The following PDE6C variants were observed in gnomAD, a reference collection of about 807,000 sequenced individuals.
The protein encoded by PDE6C is phosphodiesterase 6C.
PDE6C carries 75 observed loss-of-function variants against 113.1 expected under a neutral mutation model. That is an observed-to-expected ratio of 0.66 (90% CI 0.55 to 0.80). The LOEUF (loss-of-function observed/expected upper bound fraction) is 0.80, where lower values mean the gene tolerates loss of function less well. Ranked by LOEUF, PDE6C falls within the 30% of genes least tolerant of loss-of-function variation. The pLI is 0.00. For synonymous variants in PDE6C, 375 were observed against 363.7 expected, an observed-to-expected ratio of 1.03 and a Z score of -0.35; for missense variants, 912 against 1,038.6, an observed-to-expected ratio of 0.88 and a Z score of 1.67.
intron 4 of PDE6C, among the ~76,000 whole-genome samples, chr10:93,623,515 C>T (rs1223305): frequency 0.96 from 146,497 of 152,280 alleles, 70,719 homozygotes; most frequent in East Asian, 1. Flanking sequence ...GCTTTTGGTG[C>T]TGTATCTATG....
At chr10:93,638,350 C>T (rs964907733) in intron 11 of PDE6C, among the ~76,000 whole-genome samples, 23 of 152,186 alleles carry the variant, frequency 1.5e-4, no homozygotes, top group South Asian at 2.1e-4. Flanking sequence ...TTCCCACCCC[C>T]GTGTTTTCAT....
Position 93,626,622 on chromosome 10 carries a change from A to G in PDE6C, c.940-18A>G, listed in dbSNP as rs888905677. 2.2e-6 allele frequency: 3 copies of G among 1,346,686 alleles called. No individual in the cohort carries two copies. Among genetic ancestry groups the G allele is most frequent in the Admixed American group, 3.4e-5 (2 of 58,832 alleles). The allele number at this position is 1,346,686 out of a possible 1,614,324, so 83.4% of individuals were successfully genotyped here. ...TGGGAAATAACATTATTCCCATAATATCCTCTTTCTTTCTTAGGAAGTCAA... is the reference window on the plus strand; with the variant it reads ...TGGGAAATAACATTATTCCCATAATGTCCTCTTTCTTTCTTAGGAAGTCAA... On this transcript the variant is annotated intron_variant, in intron 5 of 21. Transcript: ENST00000371447.
chr10:93,629,154 T>C, intron 7 of PDE6C, 104 bp from the exon 8 acceptor site: 2 of 933,506 alleles, frequency 2.1e-6, no homozygotes, highest in East Asian at 2.4e-5. Flanking sequence ...AAGAGCCGTG[T>C]AGAAAATCCT....
At chr10:93,648,058 A>G (rs1244880988) in intron 15 of PDE6C, among the ~76,000 whole-genome samples, 1 of 152,182 alleles carries the variant, frequency 6.6e-6, no homozygotes, top group African/African-American at 2.4e-5. Flanking sequence ...AAAACAAAAT[A>G]CTGTTTTAAA....
chr10:93,638,330 T>G (rs1290613999), intron 11 of PDE6C, among the ~76,000 whole-genome samples: 1 of 152,160 alleles, frequency 6.6e-6, no homozygotes, highest in Admixed American at 6.5e-5. Flanking sequence ...GACCCTTTTT[T>G]GGGGCTTACT....
At chr10:93,646,888 C>T (rs2058587076) in intron 15 of PDE6C, among the ~76,000 whole-genome samples, 1 of 152,102 alleles carries the variant, frequency 6.6e-6, no homozygotes, top group African/African-American at 2.4e-5. Flanking sequence ...ATGACGTAGC[C>T]ACCATCAGAG....
chr10:93,619,467 C>T (rs1425224573), intron 1 of PDE6C, among the ~76,000 whole-genome samples: 4 of 152,056 alleles, frequency 2.6e-5, no homozygotes, highest in African/African-American at 9.7e-5. Flanking sequence ...GCTCTTGTTG[C>T]CCAGGCTGGA....
At chr10:93,652,088 G>A (rs767712242) in intron 15 of PDE6C, among the ~76,000 whole-genome samples, 6 of 152,020 alleles carry the variant, frequency 3.9e-5, no homozygotes, top group Middle Eastern at 3.4e-3. Flanking sequence ...ATGGAGCTTC[G>A]AAGAATACAT....
At chr10:93,652,709 T>C (rs1300840186) in intron 15 of PDE6C, among the ~76,000 whole-genome samples, 2 of 152,204 alleles carry the variant, frequency 1.3e-5, no homozygotes, top group Non-Finnish European at 2.9e-5. Context: ...TATTTCTTTA[T>C]ATATAGCGTT....
chr10:93,623,326 A>T (rs2058457587), intron 4 of PDE6C, among the ~76,000 whole-genome samples: 1 of 152,168 alleles, frequency 6.6e-6, no homozygotes, highest in African/African-American at 2.4e-5. Context: ...CTTATCATTC[A>T]ATTGTAAGAG....
At chr10:93,641,208 C>T (rs911445254) in intron 14 of PDE6C, among the ~76,000 whole-genome samples, 179 bp downstream of exon 14, 5 of 152,200 alleles carry the variant, frequency 3.3e-5, no homozygotes, top group Non-Finnish European at 7.3e-5. Context: ...GTTGCTCTTT[C>T]TCCCTAGGTT....
intron 4 of PDE6C, among the ~76,000 whole-genome samples, chr10:93,623,643 C>T (rs1305338650): frequency 6.6e-6 from 1 of 152,260 alleles, no homozygotes; most frequent in East Asian, 1.9e-4. Context: ...GTGAAAGGTA[C>T]AAGTTCTGTT....
chr10:93,655,916 C>A, intron 16 of PDE6C, 56 bp downstream of exon 16: 3 of 888,136 alleles, frequency 3.4e-6, no homozygotes, highest in South Asian at 1.3e-5. Context: ...GTTTTACCTT[C>A]CATAAATTAT....
At chr10:93,613,381 A>T (rs2058402486) in intron 1 of PDE6C, among the ~76,000 whole-genome samples, 176 bp downstream of exon 1, 1 of 152,202 alleles carries the variant, frequency 6.6e-6, no homozygotes, top group South Asian at 2.1e-4. Flanking sequence ...ATGAAATTTC[A>T]AGTTGCCCAG....
chr10:93,665,640 T>C lies in PDE6C; in HGVS notation c.*222T>C. 1.8e-6 allele frequency: 1 copy of C among 543,082 alleles called. No homozygotes were observed. Among genetic ancestry groups the C allele is most frequent in the East Asian group, 3.2e-5 (1 of 31,338 alleles). 33.6% of individuals were successfully genotyped at this position (543,082 alleles called of 1,614,324 possible). ...AAAATAGGTACATTTTTGGTGCCAA[T>C]TTATTTTAAATTAAAAAATATGCAA... On this transcript the variant is annotated 3_prime_UTR_variant, in exon 22 of 22. Transcript: ENST00000371447.
chr10:93,648,672 C>T (rs758011600), intron 15 of PDE6C, among the ~76,000 whole-genome samples: 64 of 152,296 alleles, frequency 4.2e-4, no homozygotes, highest in Admixed American at 8.5e-4. Flanking sequence ...ATAGAACTGC[C>T]TGTACTCTAA....
chr10:93,629,435 C>A, intron 8 of PDE6C, 130 bp downstream of exon 8: 1 of 772,628 alleles, frequency 1.3e-6, no homozygotes, highest in Admixed American at 1.8e-5. Flanking sequence ...GGTCCATCTC[C>A]CACTCACCCT....
chr10:93,663,326 T>G, intron 21 of PDE6C, 148 bp downstream of exon 21: 1 of 786,408 alleles, frequency 1.3e-6, no homozygotes, highest in Non-Finnish European at 2.2e-6. Context: ...CGATTAGTGG[T>G]TTTCAGGTCC....
At position 93,651,080 on chromosome 10, in the gene PDE6C, G is replaced by A. The variant is rs201221787; in HGVS notation, c.1936-4680G>A. On this transcript the variant is annotated intron_variant, in intron 15 of 21. Coordinates refer to ENST00000371447, the MANE Select transcript of PDE6C (RefSeq NM_006204.4). ...TGGTATTTTGGTTGGAATTCTACTC[G>A]CTCTATGGATTATTTTATGTTCTTG... 1.8e-4 allele frequency among the ~76,000 whole-genome samples: 28 copies of A among 152,156 alleles called. 1 individual carries two copies. The East Asian group carries it at 4.1e-3, about 22-fold the overall frequency.
Sources: gnomAD v4.1 joint callset for allele counts (sites outside exome capture counted in the v4.1 genomes callset) on GRCh38, gnomAD v4.1.1 for gene constraint, MANE v1.5 for transcripts, NCBI Gene and HGNC (gene_info 2026-07-23, HGNC 2026-07-21) for gene names.